The following HCN2 variants were observed in gnomAD, a reference collection of about 807,000 sequenced individuals.
HCN2 encodes potassium/sodium hyperpolarization-activated cyclic nucleotide-gated channel 2.
HCN2 carries 20 observed loss-of-function variants against 52.3 expected under a neutral mutation model. The observed-to-expected ratio is 0.38, with a 90% CI of 0.27 to 0.56. HCN2 has a LOEUF of 0.56. HCN2 is among the 20% of genes least tolerant of loss of function. The pLI is 0.71. For missense variants in HCN2, 981 were observed against 1,207.7 expected (o/e 0.81, Z 2.78); for synonymous variants, 694 against 537.0 (o/e 1.29, Z -4.04).
chr19:615,853 C>T lies in HCN2; in HGVS notation c.2049C>T (p.Phe683=), dbSNP rs763383135. 2 of 1,613,082 alleles carry T rather than the reference C, an allele frequency of 1.2e-6. No individual in the cohort carries two copies. Among genetic ancestry groups the T allele is most frequent in the Non-Finnish European group, 1.7e-6 (2 of 1,179,862 alleles). Residue 683 remains phenylalanine (F), a synonymous_variant, in exon 8 of 8, where the codon TTC becomes TTT. Coordinates refer to ENST00000251287, the MANE Select transcript of HCN2 (RefSeq NM_001194.4). ...KVQHDLNSGV[F]NNQENAIIQE... is the part of the protein sequence containing the mutation. ...AGCATGACCTCAACTCGGGCGTATT[C>T]AACAACCAGGAGAACGCCATCATCC...
intron 1 of HCN2, among the ~76,000 whole-genome samples, chr19:602,664 CT>C (rs1418337028): frequency 1.5e-4 from 23 of 152,254 alleles, no homozygotes; most frequent in Admixed American, 1.4e-3. Flanking sequence ...CGGCTCCTCT[CT>C]GCTCCTCTGC....
In HCN2 at chr19:605,259, G is replaced by C. The variant is rs369357201; in HGVS notation, c.1218+37G>C. 4.2e-4 allele frequency: 667 copies of C among 1,601,032 alleles called. 19 individuals are homozygous for C. Among genetic ancestry groups the C allele is most frequent in the South Asian group, 1.3e-3 (117 of 90,344 alleles). ...GGGCCCTGACGGAGGGGGAGACGCA[G>C]GCTCCCATACAGAGGGGGGACCCAG... On this transcript the variant is annotated intron_variant, in intron 3 of 7. Coordinates refer to ENST00000251287, the MANE Select transcript of HCN2 (RefSeq NM_001194.4).
intron 1 of HCN2, among the ~76,000 whole-genome samples, chr19:600,242 G>A (rs1600521817): frequency 2.0e-5 from 3 of 151,418 alleles, no homozygotes; most frequent in African/African-American, 4.9e-5. Flanking sequence ...GCACGATCTC[G>A]GCTCACTGCA....
intron 7 of HCN2, 142 bp from the exon 8 acceptor site, chr19:615,653 A>G (rs918286263): frequency 9.6e-6 from 7 of 732,950 alleles, no homozygotes; most frequent in African/African-American, 7.1e-5. Context: ...ATATGTGCTT[A>G]TTGTATACAG....
At chr19:607,125 C>T (rs766059825) in intron 3 of HCN2, among the ~76,000 whole-genome samples, 10 of 152,200 alleles carry the variant, frequency 6.6e-5, no homozygotes, top group African/African-American at 1.2e-4. Flanking sequence ...GAGCCAAGAT[C>T]GTGCCACTGC....
At position 616,503 on chromosome 19, in the gene HCN2, C is replaced by CGGGCCG; in HGVS notation, c.*33_*38dup. ...TCGCCGACCGCCCCGCGGGCCCAGGCGGGCCGGGGGCGGGGCCGTCATCCA... is the reference window on the plus strand; with the variant it reads ...TCGCCGACCGCCCCGCGGGCCCAGGCGGGCCGGGGCCGGGGGCGGGGCCGTCATCCA... On this transcript the variant is annotated 3_prime_UTR_variant, in exon 8 of 8. Transcript: ENST00000251287. 1 of 1,196,324 alleles carries CGGGCCG rather than the reference C, an allele frequency of 8.4e-7. No homozygotes were observed. Among genetic ancestry groups the CGGGCCG allele is most frequent in the Non-Finnish European group, 1.0e-6 (1 of 959,868 alleles). The allele number at this position is 1,196,324 out of a possible 1,614,324, so 74.1% of individuals were successfully genotyped here. A position where few individuals can be genotyped will look rare whatever the true frequency, so the allele number is the denominator to read the frequency against.
At position 615,667 on chromosome 19, in the gene HCN2, G is replaced by A. The variant is rs1048093275; in HGVS notation, c.1991-128G>A. On this transcript the variant is annotated intron_variant, in intron 7 of 7. Coordinates refer to ENST00000251287, the MANE Select transcript of HCN2 (RefSeq NM_001194.4). Reference sequence around the variant, plus strand: ...CATATGTGCTTATTGTATACAGTAGGTGGTAAATGCATGCTTGCTCTACAC... The same window carrying A: ...CATATGTGCTTATTGTATACAGTAGATGGTAAATGCATGCTTGCTCTACAC... 15 of 812,802 alleles carry A rather than the reference G, an allele frequency of 1.8e-5. No individual in the cohort carries two copies. The East Asian group carries it at 2.3e-4, about 13-fold the overall frequency. The allele number at this position is 812,802 out of a possible 1,614,324, so 50.3% of individuals were successfully genotyped here.
chr19:602,719 C>G (rs1217605847), intron 1 of HCN2, among the ~76,000 whole-genome samples: 3 of 152,240 alleles, frequency 2.0e-5, no homozygotes, highest in African/African-American at 4.8e-5. Flanking sequence ...TTGTGCCAGG[C>G]ACATTGTCCC....
intron 1 of HCN2, among the ~76,000 whole-genome samples, chr19:593,119 T>G (rs926225513): frequency 4.6e-5 from 7 of 152,204 alleles, no homozygotes; most frequent in Admixed American, 1.3e-4. Flanking sequence ...CCCCGGTTCT[T>G]CCTCGCTGCC....
intron 4 of HCN2, 31 bp from the exon 5 acceptor site, chr19:610,228 T>G: frequency 6.2e-7 from 1 of 1,604,730 alleles, no homozygotes; most frequent in South Asian, 1.1e-5. Context: ...CCGGGGGCGG[T>G]GTCTGACCCA....
rs1233530550 is a variant in HCN2 at position 603,812 on chromosome 19, G to A, written c.901G>A (p.Val301Met). The A allele has an allele frequency of 2.5e-6, 4 of 1,612,622 alleles. No homozygotes were observed. The highest frequency in any genetic ancestry group is 2.7e-5 in the African/African-American group (2 of 74,856). Reference sequence around the variant, plus strand: ...GGTGGACTTCGTGTCCTCCATCCCCGTGGACTACATCTTCCTTATCGTGGA... The same window carrying A: ...GGTGGACTTCGTGTCCTCCATCCCCATGGACTACATCTTCCTTATCGTGGA... ...FVVDFVSSIP[V>M]DYIFLIVEKG... Residue 301 changes from valine (V) to methionine (M), a missense_variant, in exon 2 of 8, where the codon GTG becomes ATG. Coordinates refer to ENST00000251287, the MANE Select transcript of HCN2 (RefSeq NM_001194.4).
intron 5 of HCN2, 135 bp downstream of exon 5, chr19:610,540 G>A (rs777423391): frequency 5.5e-4 from 403 of 730,152 alleles, no homozygotes; most frequent in Non-Finnish European, 7.6e-4. Flanking sequence ...CTAGACCTGC[G>A]TACACACCCT....
chr19:613,673 ATGGGG>A (rs1983761315), intron 6 of HCN2, among the ~76,000 whole-genome samples, 174 bp from the exon 7 acceptor site: 1 of 10,804 alleles, frequency 9.3e-5, no homozygotes, highest in Non-Finnish European at 1.7e-4. Flanking sequence ...GGGGATGGGG[ATGGGG>A]CCGGGGATGG....
intron 1 of HCN2, among the ~76,000 whole-genome samples, chr19:596,386 G>C (rs1001281557): frequency 6.6e-6 from 1 of 152,144 alleles, no homozygotes; most frequent in Non-Finnish European, 1.5e-5. Context: ...GGCTTCTTCC[G>C]GTCCCCCAGG....
rs751602379 is a variant in HCN2 at position 613,831 on chromosome 19, C to T, written c.1826-21C>T. 7.9e-6 allele frequency: 12 copies of T among 1,524,058 alleles called. No individual in the cohort carries two copies. In the South Asian group the frequency reaches 8.8e-5, roughly 11 times the overall value. The allele number at this position is 1,524,058 out of a possible 1,614,324, so 94.4% of individuals were successfully genotyped here. A position where few individuals can be genotyped will look rare whatever the true frequency, so the allele number is the denominator to read the frequency against. ...CGGCGCCCGCCTCGTCCAGCAACCC[C>T]CCCCTGCGCGCCACGTGCAGAGATC... On this transcript the variant is annotated intron_variant, in intron 6 of 7. Transcript: ENST00000251287.
intron 4 of HCN2, 141 bp from the exon 5 acceptor site, chr19:610,118 C>T: frequency 2.0e-6 from 2 of 984,210 alleles, no homozygotes; most frequent in Admixed American, 2.1e-5. Flanking sequence ...CTGTCTGACC[C>T]ACAAGCAGGT....
Position 616,062 on chromosome 19 carries a change from G to T in HCN2, c.2258G>T (p.Gly753Val). The stretch of plus-strand genomic sequence containing the variant: ...CCGCTCGTGGGGCCGCTGGCGCTCG[G>T]CTCGCCGCGCCTCGTGCGCCGCCCG... ...ARPLVGPLALGSPRLVRRPPP... is the reference protein window; with the variant it reads ...ARPLVGPLALVSPRLVRRPPP... Residue 753 changes from glycine to valine, a missense_variant, in exon 8 of 8, where the codon GGC (glycine) becomes GTC (valine). Gly to Val is a moderately radical substitution (Grantham distance 109). Transcript: ENST00000251287. The T allele has an allele frequency of 8.6e-7, 1 of 1,163,164 alleles. No homozygotes were observed. Among genetic ancestry groups the T allele is most frequent in the Non-Finnish European group, 1.1e-6 (1 of 946,080 alleles). The allele number at this position is 1,163,164 out of a possible 1,614,324, so 72.1% of individuals were successfully genotyped here.
chr19:603,509 G>A (rs1354913394), intron 1 of HCN2, 35 bp from the exon 2 acceptor site: 2 of 1,560,418 alleles, frequency 1.3e-6, no homozygotes. Context: ...CCCCGGGGAG[G>A]CACCGGCCTG....
intron 5 of HCN2, among the ~76,000 whole-genome samples, chr19:611,526 G>C (rs1033507803): frequency 6.6e-6 from 1 of 152,040 alleles, no homozygotes; most frequent in Non-Finnish European, 1.5e-5. Context: ...GAATGCCTCT[G>C]GGGGGGCGTG....
Sources: gnomAD v4.1 joint callset for allele counts (sites outside exome capture counted in the v4.1 genomes callset) on GRCh38, gnomAD v4.1.1 for gene constraint, MANE v1.5 for transcripts, NCBI Gene and HGNC (gene_info 2026-07-23, HGNC 2026-07-21) for gene names.